The following PISD variants were observed in gnomAD, a reference collection of about 807,000 sequenced individuals.
PISD encodes the protein phosphatidylserine decarboxylase, also known as phosphatidylserine decarboxylase proenzyme, mitochondrial.
A neutral mutation model predicts 43.5 loss-of-function variants in PISD; 31 were observed. The ratio of observed to expected loss-of-function variants is 0.71; its 90% confidence interval spans 0.54 to 0.96. PISD has a LOEUF of 0.96. Ranked by LOEUF, PISD falls within the 40% of genes least tolerant of loss-of-function variation. The pLI, the probability that PISD is intolerant of heterozygous loss-of-function variation, is 0.00. For missense variants in PISD, 523 were observed against 548.4 expected, an observed-to-expected ratio of 0.95 and a Z score of 0.46; for synonymous variants, 259 against 228.7, an observed-to-expected ratio of 1.13 and a Z score of -1.20.
At chr22:31,632,683 C>T (rs1480552118) in intron 3 of PISD, among the ~76,000 whole-genome samples, 4 of 152,184 alleles carry the variant, frequency 2.6e-5, no homozygotes, top group Admixed American at 1.3e-4. Flanking sequence ...GACTGGTTTC[C>T]GCCTTGTGCC....
intron 3 of PISD, chr22:31,623,568 G>T: frequency 3.8e-6 from 4 of 1,044,568 alleles, no homozygotes; most frequent in Non-Finnish European, 5.5e-6. Context: ...ACCCCCTGAA[G>T]ATGTAGCGGT....
At chr22:31,621,999 G>A (rs935750179) in intron 3 of PISD, 114 bp from the exon 4 acceptor site, 13 of 803,740 alleles carry the variant, frequency 1.6e-5, no homozygotes, top group Non-Finnish European at 2.5e-5. Flanking sequence ...CCCCACGGAG[G>A]ACACCAGGGC....
rs541481127 is a variant in PISD at position 31,642,610 on chromosome 22, C to T, written c.321+5491G>A. On this transcript the variant is annotated intron_variant, in intron 3 of 7. Coordinates refer to ENST00000439502, the MANE Select transcript of PISD (RefSeq NM_001326411.2). ...GAAATTGAGAGCATCCTGGCCAACA[C>T]GGTGAAACCCCATCTCTACTAAAAA... Among the ~76,000 whole-genome samples the T allele has an allele frequency of 9.3e-5, 14 of 150,158 alleles. 1 individual carries two copies. The highest frequency in any genetic ancestry group is 2.8e-4 in the African/African-American group (11 of 39,938).
At chr22:31,658,786 G>C (rs11703798) in intron 1 of PISD, among the ~76,000 whole-genome samples, 4,863 of 151,710 alleles carry the variant, frequency 0.032, 166 homozygotes, top group Admixed American at 0.12. Context: ...TCCTGCCTCA[G>C]CCTCCCAAAG....
At chr22:31,620,008 A>T (rs2072418893) in intron 7 of PISD, among the ~76,000 whole-genome samples, 172 bp from the exon 8 acceptor site, 1 of 152,182 alleles carries the variant, frequency 6.6e-6, no homozygotes, top group Non-Finnish European at 1.5e-5. Flanking sequence ...TGCTCTAGCC[A>T]GATCTCACAC....
At chr22:31,619,932 T>C in intron 7 of PISD, 96 bp from the exon 8 acceptor site, 1 of 799,306 alleles carries the variant, frequency 1.3e-6, no homozygotes, top group South Asian at 1.8e-5. Flanking sequence ...CTGTTGCTTG[T>C]CCCCACCACC....
chr22:31,655,076 C>CAAAAAA (rs1038608958), intron 1 of PISD, among the ~76,000 whole-genome samples: 6 of 57,112 alleles, frequency 1.1e-4, no homozygotes, highest in African/African-American at 1.4e-4. Context: ...ACTCTATCTC[C>CAAAAAA]AAAAAAAAAA....
chr22:31,635,066 T>G, intron 3 of PISD, among the ~76,000 whole-genome samples: 1 of 152,052 alleles, frequency 6.6e-6, no homozygotes, highest in East Asian at 1.9e-4. Context: ...CTCAGGAGGC[T>G]GAGGCATGAG....
intron 3 of PISD, chr22:31,623,621 G>T: frequency 6.7e-7 from 1 of 1,490,270 alleles, no homozygotes. Flanking sequence ...AGTCTCTCCT[G>T]CACCCCAACC....
chr22:31,640,467 A>G (rs2073659307), intron 3 of PISD, among the ~76,000 whole-genome samples: 1 of 151,896 alleles, frequency 6.6e-6, no homozygotes. Context: ...AAGTGCTGGG[A>G]TTACAGGCAT....
intron 3 of PISD, among the ~76,000 whole-genome samples, chr22:31,637,783 T>C (rs1031538570): frequency 1.3e-5 from 2 of 152,166 alleles, no homozygotes; most frequent in African/African-American, 4.8e-5. Context: ...GAAGCAAGTG[T>C]CCCGCTCCCC....
chr22:31,630,704 C>T lies in PISD; in HGVS notation c.322-8819G>A. 1.0e-6 allele frequency: 1 copy of T among 984,822 alleles called. No homozygotes were observed. Among genetic ancestry groups the T allele is most frequent in the Non-Finnish European group, 1.2e-6 (1 of 829,356 alleles). 61.0% of individuals were successfully genotyped at this position (984,822 alleles called of 1,614,324 possible). On this transcript the variant is annotated intron_variant, in intron 3 of 7. Coordinates refer to ENST00000439502, the MANE Select transcript of PISD (RefSeq NM_001326411.2). This position sits in a 1 kb window ranked among gnomAD's most constrained non-coding sequence, Gnocchi z 4.4. ...GACCGAAGGCCCTAGAAGGGCACCC[C>T]CACCCGGCACTGGCCCTCTGAGCGG...
At position 31,621,899 on chromosome 22, in the gene PISD, G is replaced by C. The variant is rs937235809; in HGVS notation, c.322-14C>G. 6.3e-7 allele frequency: 1 copy of C among 1,591,642 alleles called. No homozygotes were observed. Among genetic ancestry groups the C allele is most frequent in the African/African-American group, 1.3e-5 (1 of 74,684 alleles). On this transcript the variant is annotated splice_polypyrimidine_tract_variant and intron_variant, in intron 3 of 7. Transcript: ENST00000439502. ...GTACAAAGCCACCTGCAGGCCACAG[G>C]GCAAGGGGCTGAGTTGACCACACTG... is the stretch of plus-strand genomic sequence containing the variant.
intron 1 of PISD, among the ~76,000 whole-genome samples, chr22:31,655,698 G>A (rs2074151230): frequency 6.6e-6 from 1 of 151,780 alleles, no homozygotes; most frequent in South Asian, 2.1e-4. Flanking sequence ...TCAGTGGCGT[G>A]ATCTCAACTC....
chr22:31,662,063 G>A, intron 1 of PISD, 81 bp downstream of exon 1: 1 of 1,319,074 alleles, frequency 7.6e-7, no homozygotes, highest in Non-Finnish European at 1.1e-6. Context: ...GCGAGCCCGC[G>A]ACACAGAAAC....
In PISD at chr22:31,649,718, C is replaced by T. The variant is rs533306084; in HGVS notation, c.145+981G>A. Among the ~76,000 whole-genome samples, 6 of 151,998 alleles carry T rather than the reference C, an allele frequency of 3.9e-5. No homozygotes were observed. In the South Asian group the frequency reaches 1.3e-3, roughly 32 times the overall value. ...ACTGCACTCAGCCTGGGCGACAGAGCGAGACTCCATCTCAAAAAAATAAAT... is the reference window on the plus strand; with the variant it reads ...ACTGCACTCAGCCTGGGCGACAGAGTGAGACTCCATCTCAAAAAAATAAAT... On this transcript the variant is annotated intron_variant, in intron 2 of 7. Coordinates refer to ENST00000439502, the MANE Select transcript of PISD (RefSeq NM_001326411.2).
At chr22:31,637,409 G>A (rs2073541947) in intron 3 of PISD, among the ~76,000 whole-genome samples, 1 of 150,944 alleles carries the variant, frequency 6.6e-6, no homozygotes, top group Admixed American at 6.6e-5. Flanking sequence ...TTTTTTAAAA[G>A]AGGTTACATA....
At chr22:31,634,074 T>C (rs914309268) in intron 3 of PISD, among the ~76,000 whole-genome samples, 5 of 152,336 alleles carry the variant, frequency 3.3e-5, no homozygotes, top group Non-Finnish European at 1.5e-5. Context: ...TCAAGCCACC[T>C]GTATTCTCTG....
At chr22:31,655,178 A>G (rs562044233) in intron 1 of PISD, among the ~76,000 whole-genome samples, 2 of 151,904 alleles carry the variant, frequency 1.3e-5, no homozygotes, top group East Asian at 3.9e-4. Flanking sequence ...ATGCAGCTTT[A>G]CAAGAGTGAG....
Sources: gnomAD v4.1 joint callset for allele counts (sites outside exome capture counted in the v4.1 genomes callset) on GRCh38, gnomAD v4.1.1 for gene constraint, Gnocchi (gnomAD v3.1) non-coding constraint, MANE v1.5 for transcripts, NCBI Gene and HGNC (gene_info 2026-07-23, HGNC 2026-07-21) for gene names.